The following BRSK2 variants were observed in gnomAD, a reference collection of about 807,000 sequenced individuals.
BRSK2 encodes serine/threonine-protein kinase BRSK2.
A neutral mutation model predicts 83.3 loss-of-function variants in BRSK2; 19 were observed. That is an observed-to-expected ratio of 0.23 (90% CI 0.16 to 0.33). The LOEUF is 0.33. BRSK2 is among the 10% of genes least tolerant of loss of function. The probability of loss-of-function intolerance (pLI) is 1.00; values close to 1 mark genes in which losing one functional copy is unlikely to be tolerated. For synonymous variants in BRSK2, 519 were observed against 435.4 expected (o/e 1.19, Z -2.39); for missense variants, 798 against 1,042.3 (o/e 0.77, Z 3.23).
rs756315254 is a variant in BRSK2 at position 1,445,925 on chromosome 11, C to T, written c.1226+18C>T. 3.6e-5 allele frequency: 58 copies of T among 1,590,984 alleles called. No individual in the cohort carries two copies. Among genetic ancestry groups the T allele is most frequent in the African/African-American group, 1.3e-4 (10 of 74,500 alleles). On this transcript the variant is annotated intron_variant, in intron 12 of 19. Transcript: ENST00000528841. ...GGCCAGAGGTGTGTGTGCCCCGAGGCTGCTGGGCCTCCCTCCCTGGGCCCT... is the reference window on the plus strand; with the variant it reads ...GGCCAGAGGTGTGTGTGCCCCGAGGTTGCTGGGCCTCCCTCCCTGGGCCCT...
rs528585717 is a variant in BRSK2 at position 1,423,390 on chromosome 11, C to T, written c.92-12650C>T. Reference sequence around the variant, plus strand: ...CGAGGCCTCTGGCCAGGTTCAGGCACGTGGAGAGTGTGTGTGGGGAGAAGT... The same window carrying T: ...CGAGGCCTCTGGCCAGGTTCAGGCATGTGGAGAGTGTGTGTGGGGAGAAGT... On this transcript the variant is annotated intron_variant, in intron 1 of 19. Transcript: ENST00000528841. This position sits in a 1 kb window ranked among gnomAD's most constrained non-coding sequence, Gnocchi z 6.5. 2.2e-4 allele frequency among the ~76,000 whole-genome samples: 34 copies of T among 152,160 alleles called. No individual in the cohort carries two copies. The highest frequency in any genetic ancestry group is 3.3e-4 in the Admixed American group (5 of 15,294).
At chr11:1,455,214 A>C (rs1330514350) in intron 16 of BRSK2, among the ~76,000 whole-genome samples, 1 of 151,692 alleles carries the variant, frequency 6.6e-6, no homozygotes, top group East Asian at 1.9e-4. Flanking sequence ...TATTGCCAGG[A>C]CTCCAGCACC....
At chr11:1,457,089 G>T (rs771567574) in intron 18 of BRSK2, 10 of 1,503,878 alleles carry the variant, frequency 6.6e-6, no homozygotes, top group Non-Finnish European at 7.1e-6. Flanking sequence ...GAGGGGCTGC[G>T]GGCAGGTCCT....
rs374841249 is a variant in BRSK2 at position 1,460,947 on chromosome 11, G to A, written c.*224G>A. The A allele has an allele frequency of 6.5e-5, 104 of 1,612,228 alleles. No homozygotes were observed. The highest frequency in any genetic ancestry group is 8.4e-5 in the Non-Finnish European group (99 of 1,179,392). ...GCCTCTGCCTGTCTCTGACAGCATC[G>A]CTTGTTTCCACTCTGATACCAGGAA... On this transcript the variant is annotated 3_prime_UTR_variant, in exon 20 of 20. Transcript: ENST00000528841.
At chr11:1,415,350 TC>T (rs1847992854) in intron 1 of BRSK2, among the ~76,000 whole-genome samples, 1 of 152,146 alleles carries the variant, frequency 6.6e-6, no homozygotes, top group Non-Finnish European at 1.5e-5. Flanking sequence ...CGTCTGGGCC[TC>T]CCAAAGTGCT....
At chr11:1,452,474 A>C (rs1845916978) in intron 15 of BRSK2, among the ~76,000 whole-genome samples, 1 of 152,256 alleles carries the variant, frequency 6.6e-6, no homozygotes, top group Admixed American at 6.5e-5. Context: ...TCCTCAGAGA[A>C]GGTGGAAAAC....
Position 1,454,413 on chromosome 11 carries a change from A to C in BRSK2, c.1545-72A>C. On this transcript the variant is annotated intron_variant, in intron 15 of 19. Transcript: ENST00000528841. This position sits in a 1 kb window ranked among gnomAD's most constrained non-coding sequence, Gnocchi z 5.2. ...TGGAAGATTCCGCCGTTCCAACCCC[A>C]GATTCGAGGGAGGCAGGGGTGTGGA... The C allele has an allele frequency of 6.4e-7, 1 of 1,569,962 alleles. No homozygotes were observed. Among genetic ancestry groups the C allele is most frequent in the Non-Finnish European group, 8.7e-7 (1 of 1,145,804 alleles).
Position 1,447,878 on chromosome 11 carries a change from C to A in BRSK2, c.1227-1898C>A, listed in dbSNP as rs182704300. 3.2e-4 allele frequency: 514 copies of A among 1,589,412 alleles called. 3 individuals are homozygous for A. In the African/African-American group the frequency reaches 6.1e-3, roughly 19 times the overall value. ...AAAGAAGACAGGTATACACCCCGAC[C>A]ACCCGTCCCCGCACCTCCCAGCCCC... On this transcript the variant is annotated intron_variant, in intron 12 of 19. Transcript: ENST00000528841.
At chr11:1,399,066 C>T (rs1846302629) in intron 1 of BRSK2, among the ~76,000 whole-genome samples, 1 of 152,204 alleles carries the variant, frequency 6.6e-6, no homozygotes, top group Non-Finnish European at 1.5e-5. Flanking sequence ...CCTTCCACAG[C>T]ACACGGGCAC....
intron 12 of BRSK2, 143 bp from the exon 13 acceptor site, chr11:1,449,633 G>A: frequency 1.5e-6 from 1 of 654,434 alleles, no homozygotes; most frequent in Non-Finnish European, 2.6e-6. Context: ...AATTGACAGG[G>A]TGTGCAGCAG....
intron 1 of BRSK2, among the ~76,000 whole-genome samples, chr11:1,419,272 A>G (rs1848414810): frequency 6.6e-6 from 1 of 150,750 alleles, no homozygotes; most frequent in Admixed American, 6.6e-5. Flanking sequence ...GGTGCATGTC[A>G]GGTGTGAGTC....
intron 1 of BRSK2, among the ~76,000 whole-genome samples, chr11:1,422,187 G>A (rs560772819): frequency 6.6e-6 from 1 of 152,284 alleles, no homozygotes; most frequent in Admixed American, 6.5e-5. Context: ...GCAGGTGGAT[G>A]ATCAGGGGTG....
At chr11:1,446,205 C>G (rs925587093) in intron 12 of BRSK2, among the ~76,000 whole-genome samples, 56 of 137,594 alleles carry the variant, frequency 4.1e-4, no homozygotes, top group Admixed American at 1.4e-3. Context: ...CTGGGCTAGA[C>G]TGCACTTGGT....
intron 1 of BRSK2, among the ~76,000 whole-genome samples, chr11:1,400,261 C>G (rs889206322): frequency 6.5e-4 from 99 of 152,192 alleles, no homozygotes; most frequent in Non-Finnish European, 1.1e-3. Flanking sequence ...TGGCTGGGAG[C>G]TGTTCCCAGG....
chr11:1,442,434 G>A (rs1851471072), intron 4 of BRSK2, 56 bp from the exon 5 acceptor site: 2 of 1,422,836 alleles, frequency 1.4e-6, no homozygotes, highest in Admixed American at 1.7e-5. Flanking sequence ...CTCCAGGGCG[G>A]GGAGGCGCTC....
intron 1 of BRSK2, among the ~76,000 whole-genome samples, chr11:1,416,568 T>C (rs550329787): frequency 1.4e-4 from 22 of 152,204 alleles, no homozygotes; most frequent in Admixed American, 5.2e-4. Context: ...TTAGCCTCAG[T>C]TTTGGAGGAT....
chr11:1,454,258 AGGTTAG>A lies in BRSK2; in HGVS notation c.1545-222_1545-217del. On this transcript the variant is annotated intron_variant, in intron 15 of 19. Coordinates refer to ENST00000528841, the MANE Select transcript of BRSK2 (RefSeq NM_001256627.2). This position sits in a 1 kb window ranked among gnomAD's most constrained non-coding sequence, Gnocchi z 5.2. ...GGTCAGGGCGTTAGGGCTTGGAGAA[AGGTTAG>A]GGTTGGGGTTGGGGTTAGAGCCACG... is the stretch of plus-strand genomic sequence containing the variant. 2.1e-6 allele frequency: 1 copy of A among 472,428 alleles called. No individual in the cohort carries two copies. The highest frequency in any genetic ancestry group is 3.5e-5 in the Admixed American group (1 of 28,700). The allele number at this position is 472,428 out of a possible 1,614,324, so 29.3% of individuals were successfully genotyped here.
intron 1 of BRSK2, among the ~76,000 whole-genome samples, chr11:1,406,551 G>T (rs1000376767): frequency 4.3e-4 from 65 of 152,204 alleles, no homozygotes; most frequent in Admixed American, 4.3e-3. Flanking sequence ...TGCATGGGGG[G>T]CGAGCGGAGC....
chr11:1,442,676 T>C, intron 5 of BRSK2, 70 bp downstream of exon 5: 1 of 1,319,810 alleles, frequency 7.6e-7, no homozygotes. Context: ...GCCAGTGGAC[T>C]GAGAGGCCCC....
Sources: allele counts gnomAD v4.1 joint callset (sites outside exome capture counted in the v4.1 genomes callset), GRCh38; gene constraint gnomAD v4.1.1; non-coding constraint Gnocchi (gnomAD v3.1); transcripts MANE v1.5; gene names NCBI Gene and HGNC (gene_info 2026-07-23, HGNC 2026-07-21).